Variants in EEFSEC observed in about 807,000 individuals in gnomAD.
EEFSEC encodes selenocysteine-specific elongation factor.
A neutral mutation model predicts 42.1 loss-of-function variants in EEFSEC; 43 were observed. That is an observed-to-expected ratio of 1.02 (90% confidence interval 0.80 to 1.32). The LOEUF (loss-of-function observed/expected upper bound fraction) is 1.32. EEFSEC is among the 40% of genes most tolerant of loss of function. EEFSEC has a pLI of 0.00. For missense variants in EEFSEC, 745 were observed against 803.6 expected, an observed-to-expected ratio of 0.93 and a Z score of 0.88; for synonymous variants, 354 against 339.1, an observed-to-expected ratio of 1.04 and a Z score of -0.48.
intron 6 of EEFSEC, among the ~76,000 whole-genome samples, chr3:128,391,349 C>T (rs765692396): frequency 2.0e-4 from 31 of 152,244 alleles, no homozygotes; most frequent in Non-Finnish European, 4.0e-4. Context: ...CCATCTGTCT[C>T]CCCAGAGGCA....
intron 1 of EEFSEC, among the ~76,000 whole-genome samples, chr3:128,193,946 G>A (rs568200928): frequency 5.3e-5 from 8 of 152,240 alleles, no homozygotes; most frequent in African/African-American, 1.4e-4. Flanking sequence ...GCTGAGTAGC[G>A]GTTTTCTGTG....
intron 1 of EEFSEC, among the ~76,000 whole-genome samples, chr3:128,163,764 C>T (rs1481724739): frequency 2.0e-5 from 3 of 152,034 alleles, no homozygotes; most frequent in Non-Finnish European, 4.4e-5. Flanking sequence ...ATTGACCGGT[C>T]CTGGACATTT....
rs2066818781 is a variant in EEFSEC, at chr3:128,305,723, T to G, written c.787-35510T>G. Among the ~76,000 whole-genome samples, 3 of 152,222 alleles carry G rather than the reference T, an allele frequency of 2.0e-5. No homozygotes were observed. In the South Asian group the frequency reaches 6.2e-4, roughly 31 times the overall value. On this transcript the variant is annotated intron_variant, in intron 4 of 6. Coordinates refer to ENST00000254730, the MANE Select transcript of EEFSEC (RefSeq NM_021937.5). The stretch of plus-strand genomic sequence containing the variant: ...CTTTGTGTATTTGGGCTTTACTGGT[T>G]TTTAAGAACTTGCAATTGCATTTAT...
downstream of EEFSEC, among the ~76,000 whole-genome samples, chr3:128,410,368 G>C (rs1328822148): frequency 6.6e-6 from 1 of 152,200 alleles, no homozygotes; most frequent in African/African-American, 2.4e-5. Context: ...GACCTTGGGT[G>C]TGTCACTGTC....
chr3:128,341,353 G>T lies in EEFSEC; in HGVS notation c.907G>T (p.Val303Leu), dbSNP rs766055788. The T allele has an allele frequency of 6.2e-6, 10 of 1,614,042 alleles. No individual in the cohort carries two copies. The highest frequency in any genetic ancestry group is 1.7e-5 in the Admixed American group (1 of 59,998). Residue 303 changes from valine to leucine, a missense_variant, in exon 5 of 7, where the codon GTG becomes TTG. Transcript: ENST00000254730. ...FDPKLLERGL[V>L]CAPESLHTVH... The stretch of plus-strand genomic sequence containing the variant: ...CCCTAAGCTGCTGGAGCGCGGGTTG[G>T]TGTGTGCCCCCGAGTCCCTGCACAC...
chr3:128,204,200 G>C lies in EEFSEC; in HGVS notation c.317-42636G>C, dbSNP rs145348751. On this transcript the variant is annotated intron_variant, in intron 1 of 6. Transcript: ENST00000254730. ...TGAATCCTGGCTCCATCACTTGCTT[G>C]TTTTGGGATCTTAAGCTGGTGACTT... Among the ~76,000 whole-genome samples the C allele has an allele frequency of 3.3e-5, 5 of 152,312 alleles. No individual in the cohort carries two copies. In the East Asian group the frequency reaches 9.6e-4, roughly 29 times the overall value.
intron 5 of EEFSEC, among the ~76,000 whole-genome samples, chr3:128,356,854 T>A (rs1276244572): frequency 6.6e-6 from 1 of 152,244 alleles, no homozygotes; most frequent in Admixed American, 6.5e-5. Flanking sequence ...ACACACTGCC[T>A]ACTCTCCTCT....
At chr3:128,295,450 A>ATTT (rs2066692999) in intron 4 of EEFSEC, among the ~76,000 whole-genome samples, 2 of 15,034 alleles carry the variant, frequency 1.3e-4, no homozygotes, top group Non-Finnish European at 3.4e-4. Flanking sequence ...ACTTCCCCCT[A>ATTT]CTTTTTTTTT....
the EEFSEC span, among the ~76,000 whole-genome samples, chr3:128,418,142 C>T: frequency 6.6e-6 from 1 of 152,060 alleles, no homozygotes; most frequent in African/African-American, 2.4e-5. Context: ...ACTGGGCCTG[C>T]GCCTCCCTCT....
intron 1 of EEFSEC, among the ~76,000 whole-genome samples, chr3:128,206,007 C>CT (rs1291059500): frequency 6.6e-6 from 1 of 152,284 alleles, no homozygotes; most frequent in East Asian, 1.9e-4. Context: ...AATAACGACT[C>CT]TTTAAGTATT....
At chr3:128,338,847 T>G (rs999611357) in intron 4 of EEFSEC, among the ~76,000 whole-genome samples, 18 of 152,042 alleles carry the variant, frequency 1.2e-4, no homozygotes, top group African/African-American at 4.3e-4. Flanking sequence ...GGAGTCCCCA[T>G]AGAATTCCAG....
At chr3:128,360,718 C>T (rs952543285) in intron 6 of EEFSEC, among the ~76,000 whole-genome samples, 1 of 143,844 alleles carries the variant, frequency 7.0e-6, no homozygotes, top group Non-Finnish European at 1.5e-5. Context: ...GGGAGCCTCT[C>T]GGGGTGCTGG....
chr3:128,414,542 C>A, the EEFSEC span, among the ~76,000 whole-genome samples: 1 of 152,202 alleles, frequency 6.6e-6, no homozygotes, highest in Non-Finnish European at 1.5e-5. Context: ...AGTTCCTGAC[C>A]CTTCCCCATC....
intron 4 of EEFSEC, among the ~76,000 whole-genome samples, chr3:128,333,764 C>T (rs2067159600): frequency 6.6e-6 from 1 of 152,166 alleles, no homozygotes; most frequent in African/African-American, 2.4e-5. Flanking sequence ...CAAACTGTTC[C>T]TGCTGGATGT....
intron 1 of EEFSEC, among the ~76,000 whole-genome samples, chr3:128,216,027 A>G (rs1357870151): frequency 6.6e-6 from 1 of 152,108 alleles, no homozygotes; most frequent in Admixed American, 6.5e-5. Context: ...GTGCCAGTGG[A>G]GTGCTAGGTC....
At chr3:128,406,120 G>C (rs746626236) in intron 6 of EEFSEC, among the ~76,000 whole-genome samples, 3 of 152,210 alleles carry the variant, frequency 2.0e-5, no homozygotes, top group Non-Finnish European at 4.4e-5. Context: ...GCCAGGGGTG[G>C]AACTGCTCCG....
At chr3:128,302,938 A>G (rs1356066897) in intron 4 of EEFSEC, among the ~76,000 whole-genome samples, 1 of 152,082 alleles carries the variant, frequency 6.6e-6, no homozygotes. Context: ...GTACCATATT[A>G]TTTAACCAGT....
intron 5 of EEFSEC, among the ~76,000 whole-genome samples, chr3:128,355,712 A>G (rs980201675): frequency 1.3e-5 from 2 of 152,122 alleles, no homozygotes; most frequent in Non-Finnish European, 2.9e-5. Flanking sequence ...CATTCAAGGA[A>G]TAGATAGTAA....
chr3:128,305,165 C>T (rs958748634), intron 4 of EEFSEC, among the ~76,000 whole-genome samples: 2 of 151,940 alleles, frequency 1.3e-5, no homozygotes, highest in African/African-American at 4.8e-5. Context: ...ATCTTCATGG[C>T]GTATTTTGGA....
Sources: allele counts gnomAD v4.1 joint callset (sites outside exome capture counted in the v4.1 genomes callset), GRCh38; gene constraint gnomAD v4.1.1; transcripts MANE v1.5; gene names NCBI Gene and HGNC (gene_info 2026-07-23, HGNC 2026-07-21).